The following CFAP70 variants were observed in gnomAD, a reference collection of about 807,000 sequenced individuals.
The protein encoded by CFAP70 is cilia- and flagella-associated protein 70.
Under a neutral mutation model 137.6 loss-of-function variants are expected in CFAP70, and 81 were observed. The ratio of observed to expected loss-of-function variants is 0.59; its 90% CI spans 0.49 to 0.71. The LOEUF (loss-of-function observed/expected upper bound fraction) is 0.71, where lower values mean the gene tolerates loss of function less well. Ranked by LOEUF, CFAP70 falls within the 30% of genes least tolerant of loss-of-function variation. The probability of loss-of-function intolerance (pLI) is 0.00; values close to 1 mark genes in which losing one functional copy is unlikely to be tolerated. For synonymous variants in CFAP70, 382 were observed against 423.6 expected (o/e 0.90, Z 1.20); for missense variants, 976 against 1,226.7 (o/e 0.80, Z 3.05).
At chr10:73,334,603 T>C (rs1589529053) in intron 7 of CFAP70, among the ~76,000 whole-genome samples, 1 of 150,532 alleles carries the variant, frequency 6.6e-6, no homozygotes, top group Non-Finnish European at 1.5e-5. Flanking sequence ...TTTTTTGAGA[T>C]GGAGTCTCAC....
intron 14 of CFAP70, among the ~76,000 whole-genome samples, chr10:73,297,435 G>A (rs1268903880): frequency 3.3e-5 from 5 of 152,134 alleles, no homozygotes; most frequent in Admixed American, 1.3e-4. Context: ...TCATAAAGCT[G>A]AAGAAAATCT....
At position 73,278,178 on chromosome 10, in the gene CFAP70, CCTTT is replaced by C. The variant is rs1564772209; in HGVS notation, c.2395_2398del (p.Glu800HisfsTer33). The C allele has an allele frequency of 6.2e-7, 1 of 1,612,810 alleles. No individual in the cohort carries two copies. The highest frequency in any genetic ancestry group is 1.7e-5 in the Admixed American group (1 of 59,892). On this transcript the variant is annotated frameshift_variant and splice_region_variant, in exon 20 of 27. Coordinates refer to ENST00000310715, the Ensembl canonical transcript of CFAP70. LOFTEE classifies it high-confidence loss of function. ...AAGTGGAAATCTTTATTTCTAGTTA[CCTTT>C]CTTTGTTGGTATCTCCTTGATAAAT...
chr10:73,279,563 A>AAATAAAT (rs2047097323), intron 19 of CFAP70, among the ~76,000 whole-genome samples: 1 of 143,538 alleles, frequency 7.0e-6, no homozygotes, highest in Admixed American at 6.8e-5. Context: ...ATAAATAAAT[A>AAATAAAT]AATAAATATA....
intron 9 of CFAP70, among the ~76,000 whole-genome samples, chr10:73,322,566 TAAAAAAAAAA>T (rs143744938): frequency 9.5e-6 from 1 of 105,676 alleles, no homozygotes. Context: ...CCCACATCTC[TAAAAAAAAAA>T]AAAAAAAAAA....
chr10:73,262,784 C>T (rs1209000759), intron 25 of CFAP70, among the ~76,000 whole-genome samples: 1 of 152,046 alleles, frequency 6.6e-6, no homozygotes, highest in Non-Finnish European at 1.5e-5. Flanking sequence ...GGAGGGATTA[C>T]TGTATGTGTG....
At chr10:73,258,775 T>C (rs1265999614) in intron 25 of CFAP70, among the ~76,000 whole-genome samples, 2 of 152,204 alleles carry the variant, frequency 1.3e-5, no homozygotes, top group South Asian at 2.1e-4. Context: ...CTCTCTCTTA[T>C]ATGGTTGTAT....
chr10:73,309,034 A>C (rs2049669624), intron 12 of CFAP70, among the ~76,000 whole-genome samples: 1 of 152,194 alleles, frequency 6.6e-6, no homozygotes, highest in Non-Finnish European at 1.5e-5. Context: ...GAAAGAATGA[A>C]GATTAGAGTA....
At chr10:73,337,091 T>C (rs897998304) in intron 6 of CFAP70, among the ~76,000 whole-genome samples, 2 of 152,218 alleles carry the variant, frequency 1.3e-5, no homozygotes, top group African/African-American at 4.8e-5. Flanking sequence ...ATGTACTCTT[T>C]ACATTTGTGT....
At chr10:73,267,123 C>T (rs1288797809) in intron 25 of CFAP70, among the ~76,000 whole-genome samples, 1 of 151,988 alleles carries the variant, frequency 6.6e-6, no homozygotes, top group African/African-American at 2.4e-5. Flanking sequence ...ACAAACCAAC[C>T]CAAAACTTAA....
intron 1 of CFAP70, among the ~76,000 whole-genome samples, chr10:73,355,881 AAAATTGTCTTCCACG>A (rs2054637680): frequency 6.6e-6 from 1 of 152,220 alleles, no homozygotes; most frequent in Non-Finnish European, 1.5e-5. Context: ...AGTCTGTGGA[AAAATTGTCTTCCACG>A]AAACTGGTCC....
At chr10:73,308,810 G>GAA (rs199522556) in intron 12 of CFAP70, among the ~76,000 whole-genome samples, 68 of 92,512 alleles carry the variant, frequency 7.4e-4, no homozygotes, top group African/African-American at 2.2e-3. Flanking sequence ...CAAGAGAAAT[G>GAA]AAAAAAAAAA....
At chr10:73,356,588 C>T (rs1210706797) in intron 1 of CFAP70, among the ~76,000 whole-genome samples, 1 of 152,202 alleles carries the variant, frequency 6.6e-6, no homozygotes, top group Non-Finnish European at 1.5e-5. Flanking sequence ...AAAACAACAT[C>T]TTACAGCCTT....
chr10:73,321,547 C>A (rs894258683), intron 9 of CFAP70, among the ~76,000 whole-genome samples: 12 of 152,090 alleles, frequency 7.9e-5, no homozygotes, highest in African/African-American at 2.7e-4. Flanking sequence ...TGAAAAATAG[C>A]TGTCCTAATA....
intron 8 of CFAP70, among the ~76,000 whole-genome samples, chr10:73,330,449 CA>C (rs745806193): frequency 0.17 from 11,458 of 69,082 alleles, 453 homozygotes; most frequent in East Asian, 0.41. Flanking sequence ...GACTCCATCA[CA>C]AAAAAAAAAA....
At chr10:73,353,840 C>T in intron 2 of CFAP70, 98 bp from the exon 3 acceptor site, 1 of 1,120,392 alleles carries the variant, frequency 8.9e-7, no homozygotes, top group Non-Finnish European at 1.3e-6. Context: ...TAGCATTTTT[C>T]ATTTTTTCCT....
intron 19 of CFAP70, among the ~76,000 whole-genome samples, chr10:73,289,354 T>C (rs111847078): frequency 0.11 from 16,040 of 152,046 alleles, 1,225 homozygotes; most frequent in East Asian, 0.3. Context: ...GGTGCGGTTT[T>C]GGCTCACTGC....
intron 12 of CFAP70, among the ~76,000 whole-genome samples, chr10:73,304,517 C>T (rs2049215797): frequency 1.3e-5 from 2 of 152,110 alleles, no homozygotes; most frequent in Admixed American, 1.3e-4. Flanking sequence ...AAATGTTTCA[C>T]TACACAATTT....
At chr10:73,325,846 A>T (rs1186314442) in intron 8 of CFAP70, among the ~76,000 whole-genome samples, 1 of 152,210 alleles carries the variant, frequency 6.6e-6, no homozygotes. Flanking sequence ...GCAAGTCCTG[A>T]GTGACCTACA....
At chr10:73,348,472 C>G (rs764044120) in exon 4 of CFAP70, 1 of 1,533,974 alleles carries the variant, frequency 6.5e-7, no homozygotes, top group African/African-American at 1.4e-5. Flanking sequence ...GAATTAAGGT[C>G]TTCTCTTCTT....
Sources: gnomAD v4.1 joint callset for allele counts (sites outside exome capture counted in the v4.1 genomes callset) on GRCh38, gnomAD v4.1.1 for gene constraint, MANE v1.5 for transcripts, NCBI Gene and HGNC (gene_info 2026-07-23, HGNC 2026-07-21) for gene names.